The following UBE2E2 variants were observed in gnomAD, a reference collection of about 807,000 sequenced individuals.
UBE2E2 encodes the protein ubiquitin conjugating enzyme E2 E2.
Under a neutral mutation model 24.7 loss-of-function variants are expected in UBE2E2, and 6 were observed. The observed-to-expected ratio is 0.24, with a 90% CI of 0.13 to 0.48. The LOEUF is 0.48. UBE2E2 is among the 20% of genes least tolerant of loss of function. The pLI is 0.99. For synonymous variants in UBE2E2, 104 were observed against 83.6 expected (o/e 1.24, Z -1.33); for missense variants, 169 against 245.0 (o/e 0.69, Z 2.07).
At chr3:23,349,507 G>A (rs1486042919) in intron 3 of UBE2E2, among the ~76,000 whole-genome samples, 3 of 152,198 alleles carry the variant, frequency 2.0e-5, no homozygotes. Context: ...GACGGCACCT[G>A]GAAAATTGGG....
At chr3:23,558,790 G>A (rs576092750) in intron 5 of UBE2E2, among the ~76,000 whole-genome samples, 9 of 152,278 alleles carry the variant, frequency 5.9e-5, no homozygotes, top group African/African-American at 1.7e-4. Context: ...GCCAGGCACA[G>A]TGGCATATGC....
Position 23,591,117 on chromosome 3 carries a change from G to A in UBE2E2, c.*1286G>A, listed in dbSNP as rs1291832967. ...CACCTTCAGGCTATTTTAGTGTGCA[G>A]CTATAGGAGGCAGAGGAAACGTGGG... On this transcript the variant is annotated 3_prime_UTR_variant, in exon 6 of 6. Coordinates refer to ENST00000396703, the MANE Select transcript of UBE2E2 (RefSeq NM_152653.4). 1 of 152,198 alleles carries A rather than the reference G, an allele frequency of 6.6e-6. No individual in the cohort carries two copies. The highest frequency in any genetic ancestry group is 2.1e-4 in the South Asian group (1 of 4,826). The allele number at this position is 152,198 out of a possible 1,614,324, so 9.4% of individuals were successfully genotyped here.
At chr3:23,204,157 C>G (rs928854214) in intron 1 of UBE2E2, among the ~76,000 whole-genome samples, 1 of 151,606 alleles carries the variant, frequency 6.6e-6, no homozygotes, top group African/African-American at 2.4e-5. Flanking sequence ...CCACTTCTCC[C>G]CCTCTTTTCT....
At chr3:23,376,869 A>G (rs1696535344) in intron 3 of UBE2E2, among the ~76,000 whole-genome samples, 1 of 152,150 alleles carries the variant, frequency 6.6e-6, no homozygotes, top group African/African-American at 2.4e-5. Context: ...ATGAGTTCTG[A>G]TAAGGTGTGA....
intron 3 of UBE2E2, among the ~76,000 whole-genome samples, chr3:23,346,119 A>G (rs911501011): frequency 2.6e-5 from 4 of 152,170 alleles, no homozygotes; most frequent in African/African-American, 7.2e-5. Context: ...CTTAAAAGGC[A>G]ATTTCTAAGA....
At chr3:23,571,253 A>G (rs7644666) in intron 5 of UBE2E2, among the ~76,000 whole-genome samples, 89,158 of 138,160 alleles carry the variant, frequency 0.65, 28,698 homozygotes, top group African/African-American at 0.75. Flanking sequence ...CTTTGCTATC[A>G]GAGTCCCCTC....
At chr3:23,273,163 C>A (rs1015337820) in intron 3 of UBE2E2, among the ~76,000 whole-genome samples, 2 of 152,188 alleles carry the variant, frequency 1.3e-5, no homozygotes, top group Non-Finnish European at 2.9e-5. Flanking sequence ...GTTTACACTT[C>A]TAAAACAATT....
Position 23,407,628 on chromosome 3 carries a change from TTTGTGTGTGC to T in UBE2E2, c.228-91979_228-91970del, listed in dbSNP as rs1299570791. ...TTTGGGAGGAGTGCATGTGTGTGTG[TTTGTGTGTGC>T]ATGCGTGCATGTGTGTGTGTGTGTG... On this transcript the variant is annotated intron_variant, in intron 3 of 5. Coordinates refer to ENST00000396703, the MANE Select transcript of UBE2E2 (RefSeq NM_152653.4). The surrounding 1 kb of genome is among the most constrained non-coding windows in gnomAD (Gnocchi z 4.0). Among the ~76,000 whole-genome samples, 1 of 143,568 alleles carries T rather than the reference TTTGTGTGTGC, an allele frequency of 7.0e-6. No individual in the cohort carries two copies. The highest frequency in any genetic ancestry group is 2.8e-5 in the African/African-American group (1 of 35,414). The allele number at this position is 143,568 out of a possible 152,430, so 94.2% of individuals were successfully genotyped here.
intron 3 of UBE2E2, among the ~76,000 whole-genome samples, chr3:23,462,207 A>G (rs1202589472): frequency 6.7e-6 from 1 of 148,202 alleles, no homozygotes; most frequent in Non-Finnish European, 1.5e-5. Context: ...TGCTGTTCTT[A>G]ATATTGCTAA....
intron 2 of UBE2E2, among the ~76,000 whole-genome samples, chr3:23,213,837 G>A (rs1696394049): frequency 6.6e-6 from 1 of 152,034 alleles, no homozygotes; most frequent in South Asian, 2.1e-4. Flanking sequence ...CACTTTTAAC[G>A]GTAAAAGATC....
At chr3:23,305,707 A>G (rs1699220006) in intron 3 of UBE2E2, among the ~76,000 whole-genome samples, 1 of 152,110 alleles carries the variant, frequency 6.6e-6, no homozygotes, top group Non-Finnish European at 1.5e-5. Flanking sequence ...TCTTACAGTT[A>G]TTAAAATGTA....
chr3:23,552,675 T>C (rs1464000224), intron 5 of UBE2E2, among the ~76,000 whole-genome samples: 2 of 152,236 alleles, frequency 1.3e-5, no homozygotes, highest in Non-Finnish European at 2.9e-5. Context: ...AATTGTACTT[T>C]GGAACTTTTA....
chr3:23,441,368 CA>C (rs752204801), intron 3 of UBE2E2, among the ~76,000 whole-genome samples: 322 of 103,210 alleles, frequency 3.1e-3, no homozygotes, highest in Admixed American at 8.8e-3. Context: ...ACTAAAAATC[CA>C]AAAAAAAAAA....
intron 3 of UBE2E2, among the ~76,000 whole-genome samples, chr3:23,398,580 G>A (rs1697137277): frequency 6.6e-6 from 1 of 152,150 alleles, no homozygotes; most frequent in Non-Finnish European, 1.5e-5. Flanking sequence ...TTATAGGTAT[G>A]TATATTAAAG....
chr3:23,504,295 A>G (rs1003264108), intron 4 of UBE2E2, among the ~76,000 whole-genome samples: 1 of 152,228 alleles, frequency 6.6e-6, no homozygotes, highest in Non-Finnish European at 1.5e-5. Flanking sequence ...AAGGGTGCCT[A>G]GTATTCCGTT....
At chr3:23,492,092 CT>C (rs988439342) in intron 3 of UBE2E2, among the ~76,000 whole-genome samples, 9 of 152,080 alleles carry the variant, frequency 5.9e-5, no homozygotes, top group Non-Finnish European at 1.3e-4. Flanking sequence ...GGTAGAACCC[CT>C]AAGTAGGCAG....
intron 3 of UBE2E2, among the ~76,000 whole-genome samples, chr3:23,396,950 T>C (rs1368116178): frequency 3.9e-5 from 6 of 152,192 alleles, no homozygotes; most frequent in Non-Finnish European, 8.8e-5. Flanking sequence ...TGATACCTGC[T>C]TTAAGTAGAG....
intron 3 of UBE2E2, among the ~76,000 whole-genome samples, chr3:23,434,883 T>C (rs1698148816): frequency 6.6e-6 from 1 of 152,228 alleles, no homozygotes; most frequent in Non-Finnish European, 1.5e-5. Context: ...GCGCACAGAA[T>C]GTTAGCTCAT....
chr3:23,278,053 A>C lies in UBE2E2; in HGVS notation c.227+60741A>C, dbSNP rs59051993. On this transcript the variant is annotated intron_variant, in intron 3 of 5. Coordinates refer to ENST00000396703, the MANE Select transcript of UBE2E2 (RefSeq NM_152653.4). ...CAGTCGGCTTTTATGATTTGGGATT[A>C]AAGTAACAAAAATAGCTGATAAATG... 6.6e-4 allele frequency among the ~76,000 whole-genome samples: 100 copies of C among 152,266 alleles called. 5 individuals carry two copies. In the East Asian group the frequency reaches 0.016, roughly 24 times the overall value.
Sources: gnomAD v4.1 joint callset for allele counts (sites outside exome capture counted in the v4.1 genomes callset) on GRCh38, gnomAD v4.1.1 for gene constraint, Gnocchi (gnomAD v3.1) non-coding constraint, MANE v1.5 for transcripts, NCBI Gene and HGNC (gene_info 2026-07-23, HGNC 2026-07-21) for gene names.